Variants in TAX1BP1 observed in about 807,000 individuals in gnomAD.
TAX1BP1 encodes Tax1 binding protein 1, also known as tax1-binding protein 1.
A neutral mutation model predicts 97.7 loss-of-function variants in TAX1BP1; 62 were observed. The ratio of observed to expected loss-of-function variants is 0.63; its 90% CI spans 0.52 to 0.78. The LOEUF (loss-of-function observed/expected upper bound fraction) is 0.78, where lower values mean the gene tolerates loss of function less well. TAX1BP1 is among the 30% of genes least tolerant of loss of function. TAX1BP1 has a pLI of 0.00. For synonymous variants in TAX1BP1, 340 were observed against 304.2 expected, an observed-to-expected ratio of 1.12 and a Z score of -1.23; for missense variants, 867 against 916.1, an observed-to-expected ratio of 0.95 and a Z score of 0.69.
intron 15 of TAX1BP1, among the ~76,000 whole-genome samples, chr7:27,824,770 T>C (rs1791109507): frequency 6.6e-6 from 1 of 152,086 alleles, no homozygotes. Context: ...TAAACATAGA[T>C]GAAAACAATA....
At chr7:27,817,322 T>A (rs1449082126) in intron 15 of TAX1BP1, among the ~76,000 whole-genome samples, 4 of 152,252 alleles carry the variant, frequency 2.6e-5, no homozygotes, top group Non-Finnish European at 5.9e-5. Context: ...ATTGTAGTTA[T>A]CAGATAGTTT....
intron 13 of TAX1BP1, among the ~76,000 whole-genome samples, chr7:27,816,032 A>G (rs2128324804): frequency 6.6e-6 from 1 of 152,326 alleles, no homozygotes; most frequent in South Asian, 2.1e-4. Context: ...TCTCAAAAAA[A>G]AAGACTTTTT....
At chr7:27,783,730 T>C (rs1214420596) in intron 5 of TAX1BP1, among the ~76,000 whole-genome samples, 1 of 152,126 alleles carries the variant, frequency 6.6e-6, no homozygotes, top group East Asian at 1.9e-4. Flanking sequence ...CTGTAGTGTA[T>C]TTGCAGTGCC....
chr7:27,752,665 C>T (rs1788062466), intron 2 of TAX1BP1, among the ~76,000 whole-genome samples: 1 of 152,114 alleles, frequency 6.6e-6, no homozygotes, highest in East Asian at 1.9e-4. Flanking sequence ...TTTTCACTCC[C>T]TCTGAAGTAT....
In TAX1BP1 at chr7:27,802,441, T is replaced by C. The variant is rs542759476; in HGVS notation, c.1764+2351T>C. Among the ~76,000 whole-genome samples the C allele has an allele frequency of 2.0e-5, 3 of 152,318 alleles. No homozygotes were observed. In the East Asian group the frequency reaches 5.8e-4, roughly 29 times the overall value. ...GAAAGACATCTTTAGGGAAGAACCATTGAAGAATGATTTTATTTGTATTTG... is the reference window on the plus strand; with the variant it reads ...GAAAGACATCTTTAGGGAAGAACCACTGAAGAATGATTTTATTTGTATTTG... On this transcript the variant is annotated intron_variant, in intron 13 of 16. Transcript: ENST00000396319.
rs564192214 is a variant in TAX1BP1 at position 27,784,585 on chromosome 7, T to G, written c.613-578T>G. ...TGATGGTGTCGTGTAAGACTTGATATGTCGTGACTAATTTTTAAAATTTTT... is the reference window on the plus strand; with the variant it reads ...TGATGGTGTCGTGTAAGACTTGATAGGTCGTGACTAATTTTTAAAATTTTT... On this transcript the variant is annotated intron_variant, in intron 5 of 16. Coordinates refer to ENST00000396319, the MANE Select transcript of TAX1BP1 (RefSeq NM_006024.7). 1.4e-4 allele frequency among the ~76,000 whole-genome samples: 22 copies of G among 152,308 alleles called. No individual in the cohort carries two copies. The South Asian group carries it at 4.6e-3, about 32-fold the overall frequency.
In TAX1BP1 at chr7:27,813,145, CTTTTTTTTT is replaced by C. The variant is rs57301512; in HGVS notation, c.1765-3190_1765-3182del. On this transcript the variant is annotated intron_variant, in intron 13 of 16. Coordinates refer to ENST00000396319, the MANE Select transcript of TAX1BP1 (RefSeq NM_006024.7). ...TCATAAGTCCTCCAACTTTGTTCTG[CTTTTTTTTT>C]TTTTTTTTTTTTTCTTAAAGACAGC... 3.7e-3 allele frequency among the ~76,000 whole-genome samples: 403 copies of C among 108,938 alleles called. 6 individuals carry two copies. Among genetic ancestry groups the C allele is most frequent in the African/African-American group, 0.013 (372 of 28,924 alleles). The allele number at this position is 108,938 out of a possible 152,430, so 71.5% of individuals were successfully genotyped here.
chr7:27,742,408 A>AC (rs1389301726), intron 1 of TAX1BP1, among the ~76,000 whole-genome samples: 1 of 152,232 alleles, frequency 6.6e-6, no homozygotes, highest in African/African-American at 2.4e-5. Flanking sequence ...GCATCTGTTT[A>AC]ACAGAGCACA....
intron 5 of TAX1BP1, among the ~76,000 whole-genome samples, chr7:27,778,325 G>C (rs1789113862): frequency 6.6e-6 from 1 of 152,120 alleles, no homozygotes; most frequent in East Asian, 1.9e-4. Flanking sequence ...GTCTTGTCTT[G>C]ATATAGCCTG....
At chr7:27,797,159 A>G (rs1789966238) in intron 12 of TAX1BP1, among the ~76,000 whole-genome samples, 1 of 151,692 alleles carries the variant, frequency 6.6e-6, no homozygotes, top group Non-Finnish European at 1.5e-5. Context: ...CACCACACCC[A>G]GCTAATTTTT....
At chr7:27,808,365 C>T (rs140430972) in intron 13 of TAX1BP1, among the ~76,000 whole-genome samples, 2,508 of 152,288 alleles carry the variant, frequency 0.016, 42 homozygotes, top group Non-Finnish European at 0.026. Context: ...GGAACCTGGT[C>T]TGAGTTTCCT....
At chr7:27,787,706 A>G (rs1789541029) in intron 8 of TAX1BP1, 103 bp downstream of exon 8, 3 of 1,087,458 alleles carry the variant, frequency 2.8e-6, no homozygotes, top group African/African-American at 1.6e-5. Flanking sequence ...TGTTCTAAAA[A>G]AGTTCAAACT....
chr7:27,777,645 A>T (rs891089770), intron 5 of TAX1BP1, among the ~76,000 whole-genome samples: 1 of 152,096 alleles, frequency 6.6e-6, no homozygotes, highest in African/African-American at 2.4e-5. Flanking sequence ...TTCTTTTTCT[A>T]CATGATTCTT....
At chr7:27,744,276 C>T (rs995892985) in intron 1 of TAX1BP1, among the ~76,000 whole-genome samples, 2 of 152,170 alleles carry the variant, frequency 1.3e-5, no homozygotes, top group Non-Finnish European at 2.9e-5. Context: ...CAGGCGCCTG[C>T]CACCTCGCCC....
chr7:27,788,696 G>C (rs1177827380), intron 8 of TAX1BP1, among the ~76,000 whole-genome samples: 2 of 151,816 alleles, frequency 1.3e-5, no homozygotes. Flanking sequence ...ACCTTTTCAA[G>C]CCTGCTTTTT....
At chr7:27,778,522 C>T (rs1226543310) in intron 5 of TAX1BP1, among the ~76,000 whole-genome samples, 2 of 152,064 alleles carry the variant, frequency 1.3e-5, no homozygotes, top group Non-Finnish European at 2.9e-5. Flanking sequence ...AGAAAGCAAG[C>T]ATCCAAAAGC....
intron 3 of TAX1BP1, among the ~76,000 whole-genome samples, chr7:27,761,457 C>T (rs1415147250): frequency 6.6e-6 from 1 of 152,080 alleles, no homozygotes; most frequent in East Asian, 1.9e-4. Flanking sequence ...AACTTCACTC[C>T]CCTAAAAGTC....
intron 3 of TAX1BP1, 47 bp downstream of exon 3, chr7:27,758,180 G>T (rs763219739): frequency 1.1e-4 from 155 of 1,426,212 alleles, no homozygotes; most frequent in Non-Finnish European, 1.4e-4. Flanking sequence ...ATGTCTTATT[G>T]CCATTAAAGA....
At chr7:27,791,982 A>C in intron 8 of TAX1BP1, 24 bp from the exon 9 acceptor site, 1 of 1,605,952 alleles carries the variant, frequency 6.2e-7, no homozygotes, top group East Asian at 2.2e-5. Flanking sequence ...TTGAATTACA[A>C]ATATATTTAT....
Sources: gnomAD v4.1 joint callset for allele counts (sites outside exome capture counted in the v4.1 genomes callset) on GRCh38, gnomAD v4.1.1 for gene constraint, MANE v1.5 for transcripts, NCBI Gene and HGNC (gene_info 2026-07-23, HGNC 2026-07-21) for gene names.